The following EYA2 variants were observed in gnomAD, a reference collection of about 807,000 sequenced individuals.
EYA2 encodes protein phosphatase EYA2.
EYA2 carries 31 observed loss-of-function variants against 69.2 expected under a neutral mutation model. The observed-to-expected ratio is 0.45, with a 90% CI of 0.34 to 0.60. The LOEUF (loss-of-function observed/expected upper bound fraction) is 0.60, where lower values mean the gene tolerates loss of function less well. EYA2 is among the 20% of genes least tolerant of loss of function. EYA2 has a pLI of 0.02. For missense variants in EYA2, 622 were observed against 701.2 expected (o/e 0.89, Z 1.28); for synonymous variants, 257 against 279.4 (o/e 0.92, Z 0.80).
chr20:47,062,301 T>C (rs2030923617), intron 5 of EYA2, among the ~76,000 whole-genome samples: 2 of 152,222 alleles, frequency 1.3e-5, no homozygotes, highest in African/African-American at 2.4e-5. Flanking sequence ...CATCTAGATA[T>C]GATTTTTAAA....
At chr20:47,111,520 A>C (rs549088631) in intron 9 of EYA2, among the ~76,000 whole-genome samples, 1 of 152,286 alleles carries the variant, frequency 6.6e-6, no homozygotes, top group East Asian at 1.9e-4. Context: ...ATCCTCCAGC[A>C]GGCAAGTCCA....
chr20:47,046,238 G>A (rs79202951), intron 5 of EYA2, among the ~76,000 whole-genome samples: 5 of 152,026 alleles, frequency 3.3e-5, no homozygotes, highest in Admixed American at 1.3e-4. Context: ...ATGAGGGCTC[G>A]ACTTTCATGA....
rs1443277963 is a variant in EYA2, at chr20:46,970,186, G to C, written c.-10-19815G>C. ...CATAGTTAAGCGCGACTGAAGCGCG[G>C]TGAAAGTACTTCCTAAAATCCAGAG... On this transcript the variant is annotated intron_variant, in intron 1 of 15. Transcript: ENST00000327619. Among the ~76,000 whole-genome samples, 4 of 152,228 alleles carry C rather than the reference G, an allele frequency of 2.6e-5. No individual in the cohort carries two copies. The East Asian group carries it at 7.7e-4, about 29-fold the overall frequency.
chr20:47,132,166 C>T (rs2033358390), intron 9 of EYA2, among the ~76,000 whole-genome samples: 1 of 152,144 alleles, frequency 6.6e-6, no homozygotes, highest in South Asian at 2.1e-4. Context: ...CCAAGCTGGT[C>T]TTCAGTTCCT....
At chr20:46,957,112 C>T (rs1979169936) in intron 1 of EYA2, among the ~76,000 whole-genome samples, 1 of 152,114 alleles carries the variant, frequency 6.6e-6, no homozygotes, top group Admixed American at 6.5e-5. Flanking sequence ...TACAACAGGG[C>T]CTGGTATGTA....
At chr20:46,999,131 G>C (rs1008893128) in intron 2 of EYA2, among the ~76,000 whole-genome samples, 2 of 152,166 alleles carry the variant, frequency 1.3e-5, no homozygotes, top group African/African-American at 4.8e-5. Context: ...AAGTTAATTC[G>C]AGCCCATAGG....
intron 9 of EYA2, among the ~76,000 whole-genome samples, chr20:47,119,119 G>A (rs987659053): frequency 5.9e-5 from 9 of 152,296 alleles, no homozygotes; most frequent in Middle Eastern, 3.4e-3. Context: ...TTGAGAAGCC[G>A]TCTCCCCTCC....
intron 14 of EYA2, 129 bp downstream of exon 14, chr20:47,181,065 C>T: frequency 2.3e-6 from 3 of 1,324,226 alleles, no homozygotes; most frequent in Non-Finnish European, 2.0e-6. Flanking sequence ...GGCCATGACT[C>T]AGATTCCCAA....
chr20:46,960,494 A>G (rs1034708098), intron 1 of EYA2, among the ~76,000 whole-genome samples: 4 of 152,232 alleles, frequency 2.6e-5, no homozygotes, highest in East Asian at 1.9e-4. Context: ...TGTGATTCCC[A>G]TTGGTGGATG....
intron 12 of EYA2, among the ~76,000 whole-genome samples, chr20:47,174,078 T>G (rs892917727): frequency 6.6e-5 from 10 of 152,176 alleles, no homozygotes; most frequent in Non-Finnish European, 1.5e-4. Context: ...TACTGCGCCC[T>G]CCTCAGGAGA....
At chr20:46,961,494 A>G (rs777729449) in intron 1 of EYA2, among the ~76,000 whole-genome samples, 47 of 152,226 alleles carry the variant, frequency 3.1e-4, no homozygotes, top group Non-Finnish European at 5.9e-4. Context: ...TATAGCTACC[A>G]TATGATCCAG....
chr20:46,992,789 G>C (rs192432654), intron 2 of EYA2, among the ~76,000 whole-genome samples: 89 of 152,308 alleles, frequency 5.8e-4, no homozygotes, highest in Non-Finnish European at 1.1e-3. Flanking sequence ...AGTGAGGTCA[G>C]GTTACACACA....
chr20:47,099,779 G>A (rs528420149), intron 9 of EYA2, among the ~76,000 whole-genome samples: 2 of 151,732 alleles, frequency 1.3e-5, no homozygotes, highest in African/African-American at 2.4e-5. Flanking sequence ...TCTAAATTGC[G>A]TCTGTCCTCA....
intron 9 of EYA2, among the ~76,000 whole-genome samples, chr20:47,112,862 CTTTTTT>C (rs11473217): frequency 7.9e-4 from 44 of 55,836 alleles, no homozygotes; most frequent in Non-Finnish European, 1.2e-3. Context: ...ATGTTCACTC[CTTTTTT>C]TTTTTTTTTT....
chr20:47,099,910 G>A (rs1024602493), intron 9 of EYA2, among the ~76,000 whole-genome samples: 5 of 152,144 alleles, frequency 3.3e-5, no homozygotes, highest in South Asian at 4.2e-4. Context: ...CCAACCACGC[G>A]CAGTACACAG....
At chr20:46,929,152 CAAA>C (rs11329475) in intron 1 of EYA2, among the ~76,000 whole-genome samples, 21 of 98,294 alleles carry the variant, frequency 2.1e-4, no homozygotes, top group Admixed American at 9.6e-4. Flanking sequence ...ATAAGTTGTG[CAAA>C]AAAAAAAAAA....
At chr20:46,914,345 T>C (rs1349581838) in intron 1 of EYA2, among the ~76,000 whole-genome samples, 1 of 152,232 alleles carries the variant, frequency 6.6e-6, no homozygotes, top group Non-Finnish European at 1.5e-5. Flanking sequence ...CTTGATGGCT[T>C]CTCCATGGGA....
chr20:47,135,664 A>C (rs2033445896), intron 9 of EYA2, among the ~76,000 whole-genome samples: 1 of 151,812 alleles, frequency 6.6e-6, no homozygotes, highest in South Asian at 2.1e-4. Flanking sequence ...AATTGAACAC[A>C]TTTTAGAGTC....
intron 3 of EYA2, among the ~76,000 whole-genome samples, chr20:47,003,906 A>G (rs919001235): frequency 1.3e-5 from 2 of 152,196 alleles, no homozygotes; most frequent in Admixed American, 6.5e-5. Context: ...TCATCTCTAA[A>G]CCAGGAGAGA....
Sources: allele counts gnomAD v4.1 joint callset (sites outside exome capture counted in the v4.1 genomes callset), GRCh38; gene constraint gnomAD v4.1.1; transcripts MANE v1.5; gene names NCBI Gene and HGNC (gene_info 2026-07-23, HGNC 2026-07-21).